Variants in PDE1C observed in about 807,000 individuals in gnomAD.
PDE1C encodes the protein phosphodiesterase 1C, also known as dual specificity calcium/calmodulin-dependent 3',5'-cyclic nucleotide phosphodiesterase 1C.
A neutral mutation model predicts 93.1 loss-of-function variants in PDE1C; 62 were observed. That is an observed-to-expected ratio of 0.67 (90% CI 0.54 to 0.82). PDE1C has a LOEUF of 0.82. Among genes scored for constraint, PDE1C ranks in the 40% least tolerant of loss-of-function variants. PDE1C has a pLI of 0.00. For synonymous variants in PDE1C, 325 were observed against 310.1 expected, an observed-to-expected ratio of 1.05 and a Z score of -0.50; for missense variants, 742 against 884.6, an observed-to-expected ratio of 0.84 and a Z score of 2.04.
At chr7:31,747,919 G>C (rs1794040695), downstream of PDE1C, among the ~76,000 whole-genome samples, 1 of 151,706 alleles carries the variant, frequency 6.6e-6, no homozygotes, top group Non-Finnish European at 1.5e-5. Context: ...TCCTGAGCAA[G>C]AAAGGATTAT....
intron 1 of PDE1C, among the ~76,000 whole-genome samples, chr7:32,256,043 G>T (rs1454329135): frequency 6.6e-6 from 1 of 152,204 alleles, no homozygotes; most frequent in Non-Finnish European, 1.5e-5. Flanking sequence ...GGTTAGAGCT[G>T]CTCAAAGACT....
At chr7:31,669,496 A>T in the PDE1C span, among the ~76,000 whole-genome samples, 1 of 152,218 alleles carries the variant, frequency 6.6e-6, no homozygotes. Context: ...TTCAAAAAGC[A>T]CTGTCAAGGT....
intron 1 of PDE1C, among the ~76,000 whole-genome samples, chr7:32,242,280 G>A (rs1808597468): frequency 6.6e-6 from 1 of 152,180 alleles, no homozygotes; most frequent in African/African-American, 2.4e-5. Flanking sequence ...GGACAATGAA[G>A]ATAGGTTCAA....
chr7:31,982,428 A>C (rs905675202), intron 2 of PDE1C, among the ~76,000 whole-genome samples: 1 of 152,248 alleles, frequency 6.6e-6, no homozygotes, highest in South Asian at 2.1e-4. Context: ...GCATGACAGT[A>C]AACTCTCAAT....
At chr7:31,662,452 C>A in the PDE1C span, among the ~76,000 whole-genome samples, 1 of 151,994 alleles carries the variant, frequency 6.6e-6, no homozygotes, top group Non-Finnish European at 1.5e-5. Context: ...TGTATTTGTT[C>A]CCACCTGAGT....
At chr7:32,356,035 T>G (rs1009420458) in intron 1 of PDE1C, among the ~76,000 whole-genome samples, 1 of 152,240 alleles carries the variant, frequency 6.6e-6, no homozygotes, top group Non-Finnish European at 1.5e-5. Context: ...GACAGATAAT[T>G]GGACAATAGG....
Position 31,837,918 on chromosome 7 carries a change from T to C in PDE1C, c.1034A>G (p.His345Arg). 1.2e-6 allele frequency: 2 copies of C among 1,613,846 alleles called. No individual in the cohort carries two copies. The highest frequency in any genetic ancestry group is 1.7e-6 in the Non-Finnish European group (2 of 1,179,754). Residue 345 changes from histidine to arginine, a missense_variant, in exon 10 of 18, where the codon CAC becomes CGC. Coordinates refer to ENST00000396191, the MANE Select transcript of PDE1C (RefSeq NM_001191057.4). The part of the protein sequence containing the change: ...EMVMATDMSC[H>R]FQQIKAMKTA... ...CTTCATTGCTTTGATTTGTTGGAAGTGACAAGACATATCTGTGGCCATCAC... is the reference window on the plus strand; with the variant it reads ...CTTCATTGCTTTGATTTGTTGGAAGCGACAAGACATATCTGTGGCCATCAC...
intron 2 of PDE1C, among the ~76,000 whole-genome samples, chr7:31,885,422 T>C (rs1797748672): frequency 6.6e-6 from 1 of 152,242 alleles, no homozygotes; most frequent in African/African-American, 2.4e-5. Context: ...AATTTCATTG[T>C]GGATGAGCCA....
the PDE1C span, among the ~76,000 whole-genome samples, chr7:31,631,999 A>C: frequency 2.0e-5 from 3 of 152,228 alleles, no homozygotes; most frequent in Non-Finnish European, 4.4e-5. Context: ...CCCAGTGACC[A>C]CCTGTTAGGA....
At chr7:32,060,932 CTT>C (rs1357178904) in intron 1 of PDE1C, among the ~76,000 whole-genome samples, 9 of 152,144 alleles carry the variant, frequency 5.9e-5, no homozygotes, top group Admixed American at 5.9e-4. Context: ...ATGCAATAAA[CTT>C]TTGTGGGTCA....
At chr7:31,730,292 A>G in the PDE1C span, among the ~76,000 whole-genome samples, 14 of 152,146 alleles carry the variant, frequency 9.2e-5, no homozygotes, top group African/African-American at 2.9e-4. Flanking sequence ...CTCAAAAGAC[A>G]TATTTCAGGA....
At chr7:31,840,919 C>A (rs1426221091) in intron 9 of PDE1C, among the ~76,000 whole-genome samples, 1 of 151,966 alleles carries the variant, frequency 6.6e-6, no homozygotes, top group Admixed American at 6.6e-5. Context: ...ATAATCATGG[C>A]AATTTCCAAC....
intron 1 of PDE1C, among the ~76,000 whole-genome samples, chr7:32,263,351 GTGTGTGTGTGTGTCTGTGTGTC>G (rs1235174037): frequency 6.6e-6 from 1 of 151,778 alleles, no homozygotes; most frequent in East Asian, 1.9e-4. Flanking sequence ...ACATGTGCGG[GTGTGTGTGTGTGTCTGTGTGTC>G]TGTGTGTGTG....
chr7:31,634,199 A>G, the PDE1C span, among the ~76,000 whole-genome samples: 1 of 152,328 alleles, frequency 6.6e-6, no homozygotes, highest in South Asian at 2.1e-4. Flanking sequence ...TCCTGCCCCA[A>G]GCAGGGTCCC....
chr7:32,010,125 C>G (rs993627561), intron 2 of PDE1C, among the ~76,000 whole-genome samples: 2 of 152,086 alleles, frequency 1.3e-5, no homozygotes, highest in Non-Finnish European at 2.9e-5. Flanking sequence ...CAGTACAATC[C>G]AGCTATAACA....
chr7:31,782,368 G>T (rs372896726), intron 16 of PDE1C, among the ~76,000 whole-genome samples: 1 of 152,156 alleles, frequency 6.6e-6, no homozygotes, highest in Non-Finnish European at 1.5e-5. Flanking sequence ...GTTGGATGGG[G>T]TATTACAAGT....
At chr7:32,136,272 C>T (rs537219994) in intron 3 of PDE1C, among the ~76,000 whole-genome samples, 3 of 152,232 alleles carry the variant, frequency 2.0e-5, no homozygotes, top group African/African-American at 7.2e-5. Flanking sequence ...ACCAAATCAT[C>T]ACATTGTATG....
chr7:32,328,730 C>G (rs530403521), intron 1 of PDE1C, among the ~76,000 whole-genome samples: 4 of 152,086 alleles, frequency 2.6e-5, no homozygotes, highest in Admixed American at 6.5e-5. Flanking sequence ...GAACTCCTAA[C>G]TGGCCTCCAT....
At chr7:31,639,215 C>T in the PDE1C span, among the ~76,000 whole-genome samples, 9 of 152,164 alleles carry the variant, frequency 5.9e-5, no homozygotes, top group Admixed American at 2.6e-4. Flanking sequence ...TTTTCAGTTA[C>T]CTATACCTGA....
Sources: gnomAD v4.1 joint callset for allele counts (sites outside exome capture counted in the v4.1 genomes callset) on GRCh38, gnomAD v4.1.1 for gene constraint, MANE v1.5 for transcripts, NCBI Gene and HGNC (gene_info 2026-07-23, HGNC 2026-07-21) for gene names.